SGCZ: variants seen among roughly 807,000 people sequenced by gnomAD.
SGCZ encodes the protein sarcoglycan zeta.
In SGCZ, 40 loss-of-function variants were observed where a neutral mutation model predicts 41.3. The observed-to-expected ratio is 0.97, with a 90% CI of 0.75 to 1.26. The LOEUF (loss-of-function observed/expected upper bound fraction) is 1.26, where lower values mean the gene tolerates loss of function less well. Among genes scored for constraint, SGCZ ranks in the 50% most tolerant of loss-of-function variants. SGCZ has a pLI of 0.00. For missense variants in SGCZ, 552 were observed against 369.8 expected (o/e 1.49, Z -4.04); for synonymous variants, 206 against 137.5 (o/e 1.50, Z -3.49).
At chr8:15,189,794 G>T (rs1288244189) in intron 1 of SGCZ, among the ~76,000 whole-genome samples, 1 of 152,068 alleles carries the variant, frequency 6.6e-6, no homozygotes, top group South Asian at 2.1e-4. Context: ...CAGGCAATCT[G>T]ACTGCCTTCG....
chr8:14,909,705 C>G (rs767328066), intron 1 of SGCZ, among the ~76,000 whole-genome samples: 6 of 152,118 alleles, frequency 3.9e-5, no homozygotes, highest in African/African-American at 4.8e-5. Context: ...AATAACTCAG[C>G]CTGGTTTGCA....
chr8:15,146,774 A>C (rs1005784580), intron 1 of SGCZ, among the ~76,000 whole-genome samples: 2 of 152,186 alleles, frequency 1.3e-5, no homozygotes, highest in African/African-American at 4.8e-5. Flanking sequence ...TTTATAAAAG[A>C]GACTGGCAAA....
intron 4 of SGCZ, among the ~76,000 whole-genome samples, chr8:14,199,251 C>A (rs747519065): frequency 1.3e-5 from 2 of 152,140 alleles, no homozygotes; most frequent in African/African-American, 2.4e-5. Context: ...CGATGGCTGT[C>A]ATAGCGGACA....
rs751796962 is a variant in SGCZ, at chr8:14,182,240, CAT to C, written c.425-17540_425-17539del. Among the ~76,000 whole-genome samples the C allele has an allele frequency of 3.9e-5, 6 of 152,220 alleles. No individual in the cohort carries two copies. In the East Asian group the frequency reaches 1.2e-3, roughly 29 times the overall value. On this transcript the variant is annotated intron_variant, in intron 4 of 7. Coordinates refer to ENST00000382080, the MANE Select transcript of SGCZ (RefSeq NM_139167.4). ...GATTCCACACAAGTTTGCTTAAGGGCATATGTCCACTGATTGAACCCTGAAGG... is the reference window on the plus strand; with the variant it reads ...GATTCCACACAAGTTTGCTTAAGGGCATGTCCACTGATTGAACCCTGAAGG...
At chr8:14,787,184 C>T (rs1009035202) in intron 1 of SGCZ, among the ~76,000 whole-genome samples, 2 of 152,116 alleles carry the variant, frequency 1.3e-5, no homozygotes, top group African/African-American at 4.8e-5. Context: ...TTAAAATCCC[C>T]ATCTGCAGGG....
intron 1 of SGCZ, among the ~76,000 whole-genome samples, chr8:14,558,532 G>A (rs1156640972): frequency 6.6e-6 from 1 of 150,432 alleles, no homozygotes; most frequent in Non-Finnish European, 1.5e-5. Flanking sequence ...CAGAGATGGT[G>A]CCACTGCACT....
rs994210793 is a variant in SGCZ at position 14,438,493 on chromosome 8, T to A, written c.235-114289A>T. 1.3e-5 allele frequency among the ~76,000 whole-genome samples: 2 copies of A among 152,002 alleles called. 1 individual carries two copies. The highest frequency in any genetic ancestry group is 4.1e-4 in the South Asian group (2 of 4,832). The stretch of plus-strand genomic sequence containing the variant: ...AACTGAAGAGTTCAATAACTGTGGC[T>A]CTCTCTATTCAATTCTATTCTAGAC... On this transcript the variant is annotated intron_variant, in intron 2 of 7. Transcript: ENST00000382080.
intron 5 of SGCZ, among the ~76,000 whole-genome samples, chr8:14,118,883 G>T (rs1029243052): frequency 2.6e-5 from 4 of 152,122 alleles, no homozygotes; most frequent in African/African-American, 9.7e-5. Context: ...GATGTGTGGT[G>T]TTATTTCCGA....
At chr8:15,148,060 GACCA>G (rs10582190) in intron 1 of SGCZ, among the ~76,000 whole-genome samples, 32,338 of 151,912 alleles carry the variant, frequency 0.21, 5,801 homozygotes, top group African/African-American at 0.5. Flanking sequence ...GGCTCTCAAG[GACCA>G]ACCAAGTCTC....
chr8:14,287,131 AT>A (rs1019212067), intron 3 of SGCZ, among the ~76,000 whole-genome samples: 49 of 80,278 alleles, frequency 6.1e-4, no homozygotes, highest in African/African-American at 1.5e-3. Context: ...CAAATAGCAC[AT>A]ACAGTATTTT....
chr8:14,262,027 A>C (rs561235859), intron 3 of SGCZ, among the ~76,000 whole-genome samples: 1 of 152,314 alleles, frequency 6.6e-6, no homozygotes, highest in South Asian at 2.1e-4. Flanking sequence ...ACGACAAAAT[A>C]GGCACTAATC....
intron 2 of SGCZ, among the ~76,000 whole-genome samples, chr8:14,553,886 G>C (rs1440615997): frequency 2.0e-5 from 3 of 152,046 alleles, no homozygotes; most frequent in Admixed American, 6.6e-5. Context: ...TAGCAGTCTG[G>C]TCAGCAGTGA....
intron 4 of SGCZ, among the ~76,000 whole-genome samples, chr8:14,200,818 G>A (rs6530730): frequency 0.99 from 150,970 of 152,266 alleles, 74,862 homozygotes; most frequent in East Asian, 1. Flanking sequence ...AAATTTAAAA[G>A]CTGCTCTTTA....
chr8:14,489,097 T>A, intron 2 of SGCZ, among the ~76,000 whole-genome samples: 1 of 151,800 alleles, frequency 6.6e-6, no homozygotes, highest in East Asian at 1.9e-4. Flanking sequence ...TTCAGGCTTT[T>A]AATTTTATTA....
At chr8:14,629,497 A>C (rs1230631225) in intron 1 of SGCZ, among the ~76,000 whole-genome samples, 1 of 152,104 alleles carries the variant, frequency 6.6e-6, no homozygotes, top group Non-Finnish European at 1.5e-5. Context: ...GTAGTGGTCT[A>C]GATTCTGTGA....
At chr8:14,257,921 T>C (rs1401474841) in intron 3 of SGCZ, among the ~76,000 whole-genome samples, 2 of 152,190 alleles carry the variant, frequency 1.3e-5, no homozygotes, top group South Asian at 4.1e-4. Context: ...GATATAGATA[T>C]ATAGACATAT....
At chr8:14,764,422 C>T (rs1385559430) in intron 1 of SGCZ, among the ~76,000 whole-genome samples, 2 of 152,204 alleles carry the variant, frequency 1.3e-5, no homozygotes, top group Non-Finnish European at 2.9e-5. Context: ...TGTGATCACA[C>T]ATGGCTTCTT....
intron 1 of SGCZ, among the ~76,000 whole-genome samples, chr8:15,087,682 A>C (rs116293857): frequency 1.3e-3 from 198 of 152,242 alleles, no homozygotes; most frequent in African/African-American, 4.5e-3. Context: ...TATTGTATTT[A>C]ATTATTCATT....
chr8:14,938,477 C>A (rs1563376977), intron 1 of SGCZ, among the ~76,000 whole-genome samples: 1 of 152,114 alleles, frequency 6.6e-6, no homozygotes, highest in Admixed American at 6.5e-5. Flanking sequence ...TATATTTTGT[C>A]TTCCCTATAA....
Sources: allele counts gnomAD v4.1 joint callset (sites outside exome capture counted in the v4.1 genomes callset), GRCh38; gene constraint gnomAD v4.1.1; transcripts MANE v1.5; gene names NCBI Gene and HGNC (gene_info 2026-07-23, HGNC 2026-07-21).